Variants in SEC14L6 observed in about 807,000 individuals in gnomAD.
The protein encoded by SEC14L6 is SEC14-like protein 6.
Under a neutral mutation model 54.1 loss-of-function variants are expected in SEC14L6, and 40 were observed. That is an observed-to-expected ratio of 0.74 (90% CI 0.57 to 0.96). The LOEUF (loss-of-function observed/expected upper bound fraction) is 0.96. Ranked by LOEUF, SEC14L6 falls within the 40% of genes least tolerant of loss-of-function variation. The probability of loss-of-function intolerance (pLI) is 0.00; values close to 1 mark genes in which losing one functional copy is unlikely to be tolerated. For synonymous variants in SEC14L6, 171 were observed against 198.4 expected (o/e 0.86, Z 1.16); for missense variants, 471 against 498.3 (o/e 0.95, Z 0.52).
intron 10 of SEC14L6, 45 bp downstream of exon 10, chr22:30,525,566 G>A (rs1259262215): frequency 5.0e-6 from 8 of 1,610,322 alleles, no homozygotes; most frequent in Non-Finnish European, 6.8e-6. Context: ...TGGGCTCCAG[G>A]CCCCTCCCAG....
Position 30,523,360 on chromosome 22 carries a change from A to ATT in SEC14L6, c.*1635_*1636dup. 6.8e-6 allele frequency: 1 copy of ATT among 147,538 alleles called. No individual in the cohort carries two copies. Among genetic ancestry groups the ATT allele is most frequent in the Non-Finnish European group, 1.5e-5 (1 of 66,448 alleles). 9.1% of individuals were successfully genotyped at this position (147,538 alleles called of 1,614,324 possible). ...TGTCCCACTGTGAGGCTCAGTCTGA[A>ATT]TTTTTTTTTTTTAAGACAGGGTCTT... is the stretch of plus-strand genomic sequence containing the variant. On this transcript the variant is annotated 3_prime_UTR_variant, in exon 12 of 12. Transcript: ENST00000402034.
intron 1 of SEC14L6, chr22:30,543,906 G>A: frequency 6.2e-7 from 1 of 1,601,212 alleles, no homozygotes; most frequent in Non-Finnish European, 8.6e-7. Flanking sequence ...GGGCCGCGGA[G>A]CCCAACAACC....
chr22:30,539,292 G>A (rs879727955), intron 1 of SEC14L6, among the ~76,000 whole-genome samples: 5 of 152,070 alleles, frequency 3.3e-5, no homozygotes, highest in African/African-American at 1.2e-4. Context: ...CAGGAGAATC[G>A]CTTAAACCCA....
At chr22:30,542,041 A>C (rs1179489243) in intron 1 of SEC14L6, among the ~76,000 whole-genome samples, 1 of 152,212 alleles carries the variant, frequency 6.6e-6, no homozygotes, top group Non-Finnish European at 1.5e-5. Flanking sequence ...GAAGGGCAGG[A>C]CGCGAAAGGG....
chr22:30,542,438 G>A (rs1450549998), intron 1 of SEC14L6: 1 of 474,096 alleles, frequency 2.1e-6, no homozygotes, highest in Non-Finnish European at 3.6e-6. Flanking sequence ...ACCTTAAGAG[G>A]ACGATGTAGC....
At chr22:30,531,208 G>A (rs1187491798) in intron 6 of SEC14L6, among the ~76,000 whole-genome samples, 1 of 152,140 alleles carries the variant, frequency 6.6e-6, no homozygotes, top group South Asian at 2.1e-4. Context: ...AGGAGTTCAG[G>A]ACCAACCTGG....
Position 30,524,807 on chromosome 22 carries a change from C to A in SEC14L6, c.*190G>T. On this transcript the variant is annotated 3_prime_UTR_variant, in exon 12 of 12. Transcript: ENST00000402034. ...GAGTGTCTGTGTTGCTTTGCTGTGACCATCGGGCCACCACTAGGACACTGT... is the reference window on the plus strand; with the variant it reads ...GAGTGTCTGTGTTGCTTTGCTGTGAACATCGGGCCACCACTAGGACACTGT... The A allele has an allele frequency of 3.6e-6, 2 of 555,726 alleles. No homozygotes were observed. Among genetic ancestry groups the A allele is most frequent in the South Asian group, 4.3e-5 (2 of 46,946 alleles). 34.4% of individuals were successfully genotyped at this position (555,726 alleles called of 1,614,324 possible). A position where few individuals can be genotyped will look rare whatever the true frequency, so the allele number is the denominator to read the frequency against.
chr22:30,538,770 A>C, intron 2 of SEC14L6, 57 bp downstream of exon 2: 1 of 1,199,900 alleles, frequency 8.3e-7, no homozygotes, highest in Non-Finnish European at 1.2e-6. Flanking sequence ...AATAGATACC[A>C]AATACACTCC....
intron 3 of SEC14L6, among the ~76,000 whole-genome samples, chr22:30,533,501 T>C (rs921121147): frequency 6.6e-6 from 1 of 151,844 alleles, no homozygotes; most frequent in African/African-American, 2.4e-5. Context: ...CTTGGGAGGC[T>C]GAGGCAGGAG....
At chr22:30,544,632 C>T (rs527783423) in intron 1 of SEC14L6, among the ~76,000 whole-genome samples, 5 of 152,258 alleles carry the variant, frequency 3.3e-5, no homozygotes, top group African/African-American at 1.2e-4. Context: ...CTCCCCCATC[C>T]CTAGGCTAAA....
intron 3 of SEC14L6, 100 bp from the exon 4 acceptor site, chr22:30,532,956 T>G (rs1007017979): frequency 1.3e-6 from 2 of 1,536,174 alleles, no homozygotes; most frequent in African/African-American, 2.7e-5. Flanking sequence ...CTGCAACCAC[T>G]AAGGGCCTGC....
intron 1 of SEC14L6, chr22:30,544,374 G>A (rs1261561593): frequency 1.9e-5 from 5 of 266,204 alleles, no homozygotes; most frequent in East Asian, 1.5e-4. Flanking sequence ...TTGTGCCTCC[G>A]TCCATCACCA....
At chr22:30,546,271 T>C (rs1475364940) in intron 1 of SEC14L6, among the ~76,000 whole-genome samples, 1 of 150,158 alleles carries the variant, frequency 6.7e-6, no homozygotes, top group East Asian at 2.0e-4. Flanking sequence ...TAATCCCAGC[T>C]ACTCCGGAGG....
rs1355535801 is a variant in SEC14L6 at position 30,532,814 on chromosome 22, C to T, written c.217G>A (p.Ala73Thr). Residue 73 changes from alanine (A) to threonine (T), a missense_variant, in exon 4 of 12, where the codon GCC becomes ACC. By Grantham distance (58) the Ala-to-Thr change is moderately conservative (BLOSUM62 0). Transcript: ENST00000402034. ...RKQQDLANIL[A>T]WQPPEVVRLY... ...ATGCTCACCTCTGGGGGCTGCCAGG[C>T]AAGGATGTTGGCCAGGTCTTGTTGC... 6.2e-7 allele frequency: 1 copy of T among 1,613,638 alleles called. No individual in the cohort carries two copies. The highest frequency in any genetic ancestry group is 1.3e-5 in the African/African-American group (1 of 75,042).
rs1337873529 is a variant in SEC14L6 at position 30,532,528 on chromosome 22, C to T, written c.420G>A (p.Gln140=). The part of the protein sequence containing the change: ...LLLRECELQS[Q]KLGKRVEKII... ...GCCCAGGGTGGCACCCACACACCTT[C>T]TGACTCTGCAGCTCACACTCCCGCA... Residue 140 remains glutamine (Q), a synonymous_variant, in exon 5 of 12, where the codon CAG becomes CAA. Transcript: ENST00000402034. 2 of 1,548,550 alleles carry T rather than the reference C, an allele frequency of 1.3e-6. No homozygotes were observed. The highest frequency in any genetic ancestry group is 1.2e-5 in the South Asian group (1 of 83,722).
chr22:30,529,655 G>C (rs1244061815), intron 6 of SEC14L6, among the ~76,000 whole-genome samples: 1 of 151,962 alleles, frequency 6.6e-6, no homozygotes, highest in Non-Finnish European at 1.5e-5. Flanking sequence ...TATTGCCCAG[G>C]CTGGTCTTGA....
In SEC14L6 at chr22:30,532,738, G is replaced by T. The variant is rs200622696; in HGVS notation, c.235-25C>A. ...CCTGGATGCATACACAGGAGACGGG[G>T]GTTCAGTGCCGAGGGCTGAGGGCCC... On this transcript the variant is annotated intron_variant, in intron 4 of 11. Transcript: ENST00000402034. The T allele has an allele frequency of 1.1e-4, 172 of 1,592,458 alleles. No individual in the cohort carries two copies. The African/African-American group carries it at 2.1e-3, about 20-fold the overall frequency.
At chr22:30,532,069 C>T (rs1936996182) in intron 5 of SEC14L6, 71 bp from the exon 6 acceptor site, 1 of 1,518,014 alleles carries the variant, frequency 6.6e-7, no homozygotes, top group Non-Finnish European at 8.8e-7. Flanking sequence ...TGGGGCTGGG[C>T]CTAAGCCCAG....
At chr22:30,543,356 T>C in intron 1 of SEC14L6, 2 of 1,573,196 alleles carry the variant, frequency 1.3e-6, no homozygotes, top group Admixed American at 1.7e-5. Context: ...CAACAGCCCA[T>C]GAGGGCAGAG....
Sources: gnomAD v4.1 joint callset for allele counts (sites outside exome capture counted in the v4.1 genomes callset) on GRCh38, gnomAD v4.1.1 for gene constraint, MANE v1.5 for transcripts, NCBI Gene and HGNC (gene_info 2026-07-23, HGNC 2026-07-21) for gene names.